The following ADCY5 variants were observed in gnomAD, a reference collection of about 807,000 sequenced individuals.
The protein encoded by ADCY5 is adenylate cyclase type 5.
Under a neutral mutation model 119.7 loss-of-function variants are expected in ADCY5, and 30 were observed. That is an observed-to-expected ratio of 0.25 (90% CI 0.19 to 0.34). ADCY5 has a LOEUF of 0.34. ADCY5 is among the 10% of genes least tolerant of loss of function. The pLI is 1.00. For missense variants in ADCY5, 1,324 were observed against 1,775.2 expected, an observed-to-expected ratio of 0.75 and a Z score of 4.57; for synonymous variants, 753 against 762.2, an observed-to-expected ratio of 0.99 and a Z score of 0.20.
chr3:123,288,241 T>A (rs1938911838), intron 19 of ADCY5, among the ~76,000 whole-genome samples: 2 of 152,254 alleles, frequency 1.3e-5, no homozygotes, highest in African/African-American at 2.4e-5. Context: ...ACAGGAATGA[T>A]CACAATACTG....
At chr3:123,391,307 C>T (rs1348467459) in intron 1 of ADCY5, among the ~76,000 whole-genome samples, 5 of 143,614 alleles carry the variant, frequency 3.5e-5, no homozygotes, top group African/African-American at 1.5e-4. Flanking sequence ...CTGGCCAAAC[C>T]CCCCCTTTCC....
Position 123,332,564 on chromosome 3 carries a change from T to A in ADCY5, c.1518A>T (p.Ala506=). 1 of 1,610,738 alleles carries A rather than the reference T, an allele frequency of 6.2e-7. No individual in the cohort carries two copies. Among genetic ancestry groups the A allele is most frequent in the Non-Finnish European group, 8.5e-7 (1 of 1,177,538 alleles). Residue 506 remains alanine (A), a splice_region_variant and synonymous_variant, in exon 4 of 21, where the codon GCA becomes GCT. Coordinates refer to ENST00000462833, the MANE Select transcript of ADCY5 (RefSeq NM_183357.3). ...ELFARFDKLA[A]ENHCLRIKIL... ...CAACCCCCGGCTCAGGGTGACTCAC[T>A]GCGGCCAGCTTGTCAAAGCGGGCGA...
At chr3:123,441,741 A>C (rs916837235) in intron 1 of ADCY5, among the ~76,000 whole-genome samples, 3 of 152,056 alleles carry the variant, frequency 2.0e-5, no homozygotes, top group Non-Finnish European at 4.4e-5. Context: ...AAAACTGGTC[A>C]CTCTCCTTTG....
At chr3:123,435,578 TC>T (rs1559878103) in intron 1 of ADCY5, among the ~76,000 whole-genome samples, 2 of 152,082 alleles carry the variant, frequency 1.3e-5, no homozygotes, top group Non-Finnish European at 2.9e-5. Flanking sequence ...AAATCAAGGG[TC>T]CTTGTTTCTC....
intron 3 of ADCY5, among the ~76,000 whole-genome samples, chr3:123,341,054 G>A (rs1942260415): frequency 6.6e-6 from 1 of 152,110 alleles, no homozygotes; most frequent in South Asian, 2.1e-4. Context: ...GAACCCAGGA[G>A]GCAGAGGTTG....
chr3:123,356,262 C>T (rs1220956943), intron 1 of ADCY5, among the ~76,000 whole-genome samples: 1 of 152,056 alleles, frequency 6.6e-6, no homozygotes, highest in Non-Finnish European at 1.5e-5. Flanking sequence ...ATATATCACA[C>T]CAAACATATA....
intron 1 of ADCY5, among the ~76,000 whole-genome samples, chr3:123,432,225 T>C (rs1364104717): frequency 6.6e-6 from 1 of 152,244 alleles, no homozygotes; most frequent in Non-Finnish European, 1.5e-5. Flanking sequence ...TTGAAAAGAA[T>C]AAACAATCCT....
chr3:123,290,488 C>T (rs988627398), intron 18 of ADCY5, among the ~76,000 whole-genome samples: 1 of 152,234 alleles, frequency 6.6e-6, no homozygotes, highest in East Asian at 1.9e-4. Flanking sequence ...GCTGGGGTGG[C>T]CCCTCTCACG....
chr3:123,363,091 C>G (rs55762403), intron 1 of ADCY5, among the ~76,000 whole-genome samples: 26,534 of 144,220 alleles, frequency 0.18, 2,806 homozygotes, highest in Middle Eastern at 0.27. Flanking sequence ...TGCAGTGAGC[C>G]GAGATCACAT....
intron 12 of ADCY5, among the ~76,000 whole-genome samples, chr3:123,311,960 GC>G (rs1008701157): frequency 1.3e-5 from 2 of 152,070 alleles, no homozygotes; most frequent in Admixed American, 6.5e-5. Context: ...AACAAAATAG[GC>G]AAATTCAACA....
At chr3:123,403,349 C>T (rs1288657976) in intron 1 of ADCY5, among the ~76,000 whole-genome samples, 1 of 149,244 alleles carries the variant, frequency 6.7e-6, no homozygotes, top group African/African-American at 2.5e-5. Flanking sequence ...CCACTACATG[C>T]CAGCCTAGGC....
At chr3:123,335,442 T>C (rs563320859) in intron 3 of ADCY5, among the ~76,000 whole-genome samples, 1 of 152,146 alleles carries the variant, frequency 6.6e-6, no homozygotes, top group Non-Finnish European at 1.5e-5. Context: ...TCGCACCTCA[T>C]AACCACCCCG....
chr3:123,393,273 C>T lies in ADCY5; in HGVS notation c.1135-40692G>A, dbSNP rs563521636. On this transcript the variant is annotated intron_variant, in intron 1 of 20. Coordinates refer to ENST00000462833, the MANE Select transcript of ADCY5 (RefSeq NM_183357.3). ...TCATCAATAAAATGAGGGTGTTGGC[C>T]GGGTGCAGTGGCTCCTGCCTGTAAT... 9.7e-4 allele frequency among the ~76,000 whole-genome samples: 147 copies of T among 152,154 alleles called. 2 individuals carry two copies. The highest frequency in any genetic ancestry group is 3.4e-3 in the African/African-American group (143 of 41,510).
At position 123,352,993 on chromosome 3, in the gene ADCY5, G is replaced by A. The variant is rs887669414; in HGVS notation, c.1135-412C>T. Among the ~76,000 whole-genome samples the A allele has an allele frequency of 9.2e-5, 14 of 152,190 alleles. No homozygotes were observed. The highest frequency in any genetic ancestry group is 9.2e-4 in the Admixed American group (14 of 15,292). On this transcript the variant is annotated intron_variant, in intron 1 of 20. Transcript: ENST00000462833. The surrounding 1 kb of genome is among the most constrained non-coding windows in gnomAD (Gnocchi z 4.8). ...TGATAGAGTCCAGTACAGGACAAGG[G>A]GCCACCCTCCCCCAGAGATCAGCTC... is the stretch of plus-strand genomic sequence containing the variant.
At chr3:123,328,331 G>C (rs754519835) in intron 6 of ADCY5, among the ~76,000 whole-genome samples, 10 of 151,932 alleles carry the variant, frequency 6.6e-5, no homozygotes, top group Non-Finnish European at 1.2e-4. Flanking sequence ...GAAACTATCT[G>C]TGATTCCTCC....
chr3:123,389,345 G>A (rs905888220), intron 1 of ADCY5, among the ~76,000 whole-genome samples: 1 of 152,098 alleles, frequency 6.6e-6, no homozygotes, highest in Admixed American at 6.5e-5. Flanking sequence ...TCTGGCCCAG[G>A]AGAGGAACTG....
chr3:123,448,233 C>G lies in ADCY5; in HGVS notation c.313G>C (p.Glu105Gln). 7.1e-7 allele frequency: 1 copy of G among 1,412,338 alleles called. No homozygotes were observed. The highest frequency in any genetic ancestry group is 9.2e-7 in the Non-Finnish European group (1 of 1,084,192). The allele number at this position is 1,412,338 out of a possible 1,614,324, so 87.5% of individuals were successfully genotyped here. The change falls in exon 1 of 21, where the codon GAG (glutamate) becomes CAG (glutamine). Residue 105 changes from glutamate (E) to glutamine (Q), a missense_variant. Glu to Gln is a conservative substitution (Grantham distance 29). Transcript: ENST00000462833. ...FSFRSKSAWQERGGDDCGRGS... is the reference protein window; with the variant it reads ...FSFRSKSAWQQRGGDDCGRGS... ...CGACCGCAGTCGTCGCCGCCGCGCTCCTGCCAGGCGGACTTGGAGCGGAAG... is the reference window on the plus strand; with the variant it reads ...CGACCGCAGTCGTCGCCGCCGCGCTGCTGCCAGGCGGACTTGGAGCGGAAG...
At chr3:123,288,927 G>A (rs956611814) in intron 19 of ADCY5, among the ~76,000 whole-genome samples, 7 of 152,184 alleles carry the variant, frequency 4.6e-5, no homozygotes, top group African/African-American at 1.7e-4. Flanking sequence ...GGAAGATCCA[G>A]GGCTTTGACC....
At chr3:123,438,275 T>C (rs748166360) in intron 1 of ADCY5, among the ~76,000 whole-genome samples, 22 of 152,234 alleles carry the variant, frequency 1.4e-4, no homozygotes, top group South Asian at 4.1e-4. Context: ...CAAATTCTTA[T>C]ACCCATTACA....
Sources: gnomAD v4.1 joint callset for allele counts (sites outside exome capture counted in the v4.1 genomes callset) on GRCh38, gnomAD v4.1.1 for gene constraint, Gnocchi (gnomAD v3.1) non-coding constraint, MANE v1.5 for transcripts, NCBI Gene and HGNC (gene_info 2026-07-23, HGNC 2026-07-21) for gene names.